The following FAM240A variants were observed in gnomAD, a reference collection of about 807,000 sequenced individuals.
The protein encoded by FAM240A is family with sequence similarity 240 member A.
A neutral mutation model predicts 7.3 loss-of-function variants in FAM240A; 8 were observed. The ratio of observed to expected loss-of-function variants is 1.09; its 90% confidence interval spans 0.64 to 1.97. The LOEUF (loss-of-function observed/expected upper bound fraction) is 1.97. Ranked by LOEUF, FAM240A falls within the 30% of genes most tolerant of loss-of-function variation. The probability of loss-of-function intolerance (pLI) is 0.00; values close to 1 mark genes in which losing one functional copy is unlikely to be tolerated. For missense variants in FAM240A, 90 were observed against 102.2 expected (o/e 0.88, Z 0.52); for synonymous variants, 32 against 35.9 (o/e 0.89, Z 0.38).
chr3:46,625,114 G>A lies in FAM240A; in HGVS notation c.162-14G>A. 6.5e-7 allele frequency: 1 copy of A among 1,527,758 alleles called. No homozygotes were observed. The highest frequency in any genetic ancestry group is 8.8e-7 in the Non-Finnish European group (1 of 1,139,726). 94.6% of individuals were successfully genotyped at this position (1,527,758 alleles called of 1,614,324 possible). A position where few individuals can be genotyped will look rare whatever the true frequency, so the allele number is the denominator to read the frequency against. ...AATGAATGCTCCATCTGTGTGTTTG[G>A]TTTCTATTTTCAGGCTCAGAGAAGA... On this transcript the variant is annotated splice_polypyrimidine_tract_variant and intron_variant, in intron 2 of 2. Coordinates refer to ENST00000640551, the MANE Select transcript of FAM240A (RefSeq NM_001195442.2).
At chr3:46,614,673 G>C (rs1056419480) in intron 1 of FAM240A, among the ~76,000 whole-genome samples, 4 of 152,178 alleles carry the variant, frequency 2.6e-5, no homozygotes, top group African/African-American at 9.7e-5. Flanking sequence ...CAGGACAAAC[G>C]CTCTTACCCA....
At chr3:46,613,941 CAG>C (rs1697599231) in intron 1 of FAM240A, among the ~76,000 whole-genome samples, 1 of 151,856 alleles carries the variant, frequency 6.6e-6, no homozygotes, top group Admixed American at 6.6e-5. Flanking sequence ...TTGTTTGAGA[CAG>C]GGTCTCGCTT....
intron 1 of FAM240A, among the ~76,000 whole-genome samples, chr3:46,615,372 G>A (rs371866005): frequency 1.3e-5 from 2 of 152,086 alleles, no homozygotes; most frequent in South Asian, 2.1e-4. Flanking sequence ...GGCAGAGCCA[G>A]GGCAGTACCC....
At chr3:46,619,850 G>T (rs1008397310) in intron 2 of FAM240A, among the ~76,000 whole-genome samples, 2 of 152,194 alleles carry the variant, frequency 1.3e-5, no homozygotes, top group Admixed American at 6.5e-5. Context: ...CCCGAGGCAA[G>T]GGAACAGCTT....
chr3:46,617,431 C>A (rs77960826), intron 2 of FAM240A, 103 bp downstream of exon 2: 1 of 1,037,218 alleles, frequency 9.6e-7, no homozygotes, highest in Non-Finnish European at 1.3e-6. Flanking sequence ...GCAGAAGGTA[C>A]TAAGAGTTCC....
intron 2 of FAM240A, among the ~76,000 whole-genome samples, chr3:46,618,470 C>A (rs1697654544): frequency 6.6e-6 from 1 of 152,168 alleles, no homozygotes; most frequent in Non-Finnish European, 1.5e-5. Flanking sequence ...AAACCAAAGG[C>A]TCCAAGAGAG....
intron 1 of FAM240A, among the ~76,000 whole-genome samples, chr3:46,615,351 A>G (rs562161609): frequency 1.3e-5 from 2 of 151,730 alleles, no homozygotes; most frequent in South Asian, 4.2e-4. Context: ...TCCATTTCCC[A>G]TCTGTGCACA....
At chr3:46,614,015 C>T (rs1342631419) in intron 1 of FAM240A, among the ~76,000 whole-genome samples, 2 of 152,156 alleles carry the variant, frequency 1.3e-5, no homozygotes, top group East Asian at 3.9e-4. Flanking sequence ...ACCTCTTGGG[C>T]TCAAGCAATC....
intron 2 of FAM240A, among the ~76,000 whole-genome samples, chr3:46,621,576 A>G (rs1262885721): frequency 6.6e-6 from 1 of 152,148 alleles, no homozygotes; most frequent in Non-Finnish European, 1.5e-5. Flanking sequence ...GCTGGGCAAT[A>G]TAGCAAAACT....
chr3:46,618,510 T>C (rs1347690445), intron 2 of FAM240A, among the ~76,000 whole-genome samples: 1 of 152,136 alleles, frequency 6.6e-6, no homozygotes, highest in Non-Finnish European at 1.5e-5. Context: ...CAAAACAGCC[T>C]CTGAAGCAAA....
intron 2 of FAM240A, among the ~76,000 whole-genome samples, chr3:46,621,174 T>A (rs889462956): frequency 6.6e-6 from 1 of 152,234 alleles, no homozygotes; most frequent in African/African-American, 2.4e-5. Flanking sequence ...AGTAGTTCCA[T>A]TAATTTTTTC....
intron 2 of FAM240A, among the ~76,000 whole-genome samples, chr3:46,619,467 C>T (rs1351336250): frequency 6.6e-6 from 1 of 152,184 alleles, no homozygotes; most frequent in Non-Finnish European, 1.5e-5. Context: ...CTTTCATTAG[C>T]AGATGGAGCA....
chr3:46,612,532 TGGCACAGC>T lies in FAM240A; in HGVS notation c.-150_-143del, dbSNP rs1286979034. 1.6e-6 allele frequency: 1 copy of T among 625,998 alleles called. No homozygotes were observed. The highest frequency in any genetic ancestry group is 2.8e-6 in the Non-Finnish European group (1 of 355,184). 38.8% of individuals were successfully genotyped at this position (625,998 alleles called of 1,614,324 possible). A position where few individuals can be genotyped will look rare whatever the true frequency, so the allele number is the denominator to read the frequency against. On this transcript the variant is annotated 5_prime_UTR_variant, in exon 1 of 3. Transcript: ENST00000640551. ...ACTGAGACTTGGGAAATCAAATTGCTGGCACAGCGTTAAGGCTTGCGAGGGACAAATGT... is the reference window on the plus strand; with the variant it reads ...ACTGAGACTTGGGAAATCAAATTGCTGTTAAGGCTTGCGAGGGACAAATGT...
In FAM240A at chr3:46,617,299, A is replaced by C; in HGVS notation, c.132A>C (p.Glu44Asp). 6.5e-7 allele frequency: 1 copy of C among 1,534,550 alleles called. No homozygotes were observed. The highest frequency in any genetic ancestry group is 8.7e-7 in the Non-Finnish European group (1 of 1,146,134). Residue 44 changes from glutamate (E) to aspartate (D), a missense_variant, in exon 2 of 3, where the codon GAA becomes GAC. By Grantham distance (45) the Glu-to-Asp change is conservative. Transcript: ENST00000640551. ...AGACTTACTACCGAGAATCAGAGGA[A>C]CGTCGTCTGGGAAGAAGCGCACTGA... ...GKQTYYRESE[E>D]RRLGRSALRK...
intron 1 of FAM240A, among the ~76,000 whole-genome samples, chr3:46,616,024 G>T (rs1275948588): frequency 6.6e-6 from 1 of 152,246 alleles, no homozygotes; most frequent in East Asian, 1.9e-4. Flanking sequence ...ATCTCATGTG[G>T]ATGTTGTGAT....
At chr3:46,624,857 G>A (rs9880885) in intron 2 of FAM240A, among the ~76,000 whole-genome samples, 1 of 151,628 alleles carries the variant, frequency 6.6e-6, no homozygotes, top group Non-Finnish European at 1.5e-5. Flanking sequence ...CTCCCTGACT[G>A]CAAATATATT....
chr3:46,616,516 T>C (rs1044764716), intron 1 of FAM240A, among the ~76,000 whole-genome samples: 1 of 152,212 alleles, frequency 6.6e-6, no homozygotes, highest in Non-Finnish European at 1.5e-5. Flanking sequence ...ATGCCCATTA[T>C]ACCACTCTGT....
At chr3:46,622,297 G>T (rs1207339743) in intron 2 of FAM240A, among the ~76,000 whole-genome samples, 1 of 151,416 alleles carries the variant, frequency 6.6e-6, no homozygotes, top group Non-Finnish European at 1.5e-5. Flanking sequence ...TAGTAGAGAC[G>T]GGGTTTCACC....
At chr3:46,617,412 C>A in intron 2 of FAM240A, 84 bp downstream of exon 2, 2 of 1,246,606 alleles carry the variant, frequency 1.6e-6, no homozygotes, top group Non-Finnish European at 2.1e-6. Flanking sequence ...AGGTTCACAG[C>A]AAAATTGAGC....
Sources: gnomAD v4.1 joint callset for allele counts (sites outside exome capture counted in the v4.1 genomes callset) on GRCh38, gnomAD v4.1.1 for gene constraint, MANE v1.5 for transcripts, NCBI Gene and HGNC (gene_info 2026-07-23, HGNC 2026-07-21) for gene names.